Variants in ANKFN1 observed in about 807,000 individuals in gnomAD.
The protein encoded by ANKFN1 is ankyrin repeat and fibronectin type III domain containing 1, also known as ankyrin repeat and fibronectin type-III domain-containing protein 1.
ANKFN1 carries 74 observed loss-of-function variants against 108.7 expected under a neutral mutation model. That is an observed-to-expected ratio of 0.68 (90% CI 0.56 to 0.83). ANKFN1 has a LOEUF of 0.83. Among genes scored for constraint, ANKFN1 ranks in the 40% least tolerant of loss-of-function variants. ANKFN1 has a pLI of 0.00. For synonymous variants in ANKFN1, 547 were observed against 516.2 expected (o/e 1.06, Z -0.81); for missense variants, 1,505 against 1,382.3 (o/e 1.09, Z -1.41).
chr17:56,253,297 C>T (rs1025137818), intron 3 of ANKFN1, among the ~76,000 whole-genome samples: 2 of 152,180 alleles, frequency 1.3e-5, no homozygotes, highest in Non-Finnish European at 2.9e-5. Context: ...CAACTGCTCT[C>T]ACCCTAAAGC....
chr17:56,224,670 C>G (rs373922051), intron 2 of ANKFN1: 71 of 152,272 alleles, frequency 4.7e-4, no homozygotes, highest in African/African-American at 1.7e-3. Context: ...GGATCAACCA[C>G]AGGAACCAGG....
intron 11 of ANKFN1, among the ~76,000 whole-genome samples, chr17:56,450,043 A>G (rs1308378815): frequency 1.3e-5 from 2 of 152,190 alleles, no homozygotes; most frequent in Admixed American, 1.3e-4. Flanking sequence ...TTGGAGAATT[A>G]AAGCCTACAT....
rs142467898 is a variant in ANKFN1 at position 56,153,782 on chromosome 17, G to A, written c.-71+252G>A. On this transcript the variant is annotated intron_variant, in intron 1 of 20. Coordinates refer to ENST00000682825, the MANE Select transcript of ANKFN1 (RefSeq NM_001370326.1). ...GAGAATGGGGAGATTAAAGGAGAGAGGCTTCTAGAGACAAGTTTTTACTTT... is the reference window on the plus strand; with the variant it reads ...GAGAATGGGGAGATTAAAGGAGAGAAGCTTCTAGAGACAAGTTTTTACTTT... Among the ~76,000 whole-genome samples, 4 of 152,040 alleles carry A rather than the reference G, an allele frequency of 2.6e-5. No homozygotes were observed. The East Asian group carries it at 5.8e-4, about 22-fold the overall frequency.
At chr17:56,384,582 T>A (rs190838664) in intron 8 of ANKFN1, among the ~76,000 whole-genome samples, 205 of 152,294 alleles carry the variant, frequency 1.3e-3, no homozygotes, top group African/African-American at 4.5e-3. Context: ...AAAACCCCAT[T>A]GTCTCAGCCC....
intron 3 of ANKFN1, among the ~76,000 whole-genome samples, chr17:56,297,869 G>A (rs1035371981): frequency 4.6e-5 from 7 of 152,108 alleles, no homozygotes; most frequent in South Asian, 4.1e-4. Flanking sequence ...ACTGGGGAGT[G>A]GTTAATAAAT....
intron 8 of ANKFN1, among the ~76,000 whole-genome samples, chr17:56,404,759 G>A (rs935312394): frequency 3.4e-4 from 52 of 152,166 alleles, no homozygotes; most frequent in African/African-American, 1.3e-3. Flanking sequence ...ACTAGGGTTG[G>A]TTTTCTGGTT....
intron 8 of ANKFN1, among the ~76,000 whole-genome samples, chr17:56,389,401 G>A (rs1263621633): frequency 6.6e-6 from 1 of 152,206 alleles, no homozygotes; most frequent in Non-Finnish European, 1.5e-5. Context: ...AGAAGAGGGT[G>A]TGTATAGCTC....
chr17:56,227,984 T>C (rs1294144402), intron 3 of ANKFN1, 27 bp downstream of exon 3: 2 of 1,586,754 alleles, frequency 1.3e-6, no homozygotes, highest in Non-Finnish European at 1.7e-6. Context: ...CTTGAAATGG[T>C]ATCTACTTCT....
intron 4 of ANKFN1, among the ~76,000 whole-genome samples, chr17:56,092,450 A>G (rs944179459): frequency 6.7e-6 from 1 of 150,088 alleles, no homozygotes; most frequent in African/African-American, 2.4e-5. Context: ...AATTTTTTGT[A>G]TTTTTAGTAG....
chr17:56,459,487 T>G (rs938729024), intron 14 of ANKFN1, among the ~76,000 whole-genome samples: 4 of 152,182 alleles, frequency 2.6e-5, no homozygotes, highest in Non-Finnish European at 5.9e-5. Flanking sequence ...ATGACTGTGC[T>G]GAATTCAAAG....
chr17:56,415,193 G>C (rs1169250623), intron 8 of ANKFN1, among the ~76,000 whole-genome samples: 4 of 152,172 alleles, frequency 2.6e-5, no homozygotes, highest in Non-Finnish European at 5.9e-5. Flanking sequence ...CATAGTACTG[G>C]AAGTCCTAGC....
intron 3 of ANKFN1, among the ~76,000 whole-genome samples, chr17:56,232,200 T>A (rs1916787166): frequency 6.6e-6 from 1 of 152,180 alleles, no homozygotes; most frequent in Non-Finnish European, 1.5e-5. Flanking sequence ...CACGACTTGG[T>A]TTAGTTATCC....
In ANKFN1 at chr17:56,240,020, T is replaced by C. The variant is rs554875313; in HGVS notation, c.53+12063T>C. On this transcript the variant is annotated intron_variant, in intron 3 of 20. Coordinates refer to ENST00000682825, the MANE Select transcript of ANKFN1 (RefSeq NM_001370326.1). ...GAAGCATTATGAAATATTTCAAACA[T>C]AGAGGAAAATAATATAATGAGTAAC... Among the ~76,000 whole-genome samples the C allele has an allele frequency of 2.2e-4, 33 of 152,246 alleles. 1 individual carries two copies. The South Asian group carries it at 6.8e-3, about 32-fold the overall frequency.
chr17:56,097,202 T>G (rs1293692642), intron 4 of ANKFN1, among the ~76,000 whole-genome samples: 2 of 152,192 alleles, frequency 1.3e-5, no homozygotes, highest in Non-Finnish European at 1.5e-5. Flanking sequence ...AATTTACCTA[T>G]ATAACAAACC....
intron 3 of ANKFN1, among the ~76,000 whole-genome samples, chr17:56,297,256 C>A (rs2044539248): frequency 6.6e-6 from 1 of 152,158 alleles, no homozygotes; most frequent in Non-Finnish European, 1.5e-5. Context: ...GCTTCGGAGC[C>A]AGACCTCTGA....
intron 8 of ANKFN1, among the ~76,000 whole-genome samples, chr17:56,425,618 C>T (rs1346803820): frequency 6.6e-6 from 1 of 152,206 alleles, no homozygotes; most frequent in African/African-American, 2.4e-5. Flanking sequence ...CCTTGCAATT[C>T]CCCGACCACA....
intron 4 of ANKFN1, among the ~76,000 whole-genome samples, chr17:56,061,265 C>CTTTTTTTTTTTTTTTTT (rs71137190): frequency 2.7e-5 from 2 of 72,932 alleles, no homozygotes; most frequent in Non-Finnish European, 4.7e-5. Context: ...GGTAGTTTTT[C>CTTTTTTTTTTTTTTTTT]TTTTTTTTTT....
intron 4 of ANKFN1, among the ~76,000 whole-genome samples, chr17:56,334,981 G>A (rs886566471): frequency 2.6e-5 from 4 of 152,102 alleles, no homozygotes; most frequent in African/African-American, 7.2e-5. Context: ...ATTAAATAGG[G>A]AATCGTTTCC....
chr17:56,081,915 T>A (rs1410889459), intron 4 of ANKFN1, among the ~76,000 whole-genome samples: 1 of 152,234 alleles, frequency 6.6e-6, no homozygotes, highest in African/African-American at 2.4e-5. Flanking sequence ...TGGGCGTGTG[T>A]GAGCCCACGC....
Sources: allele counts gnomAD v4.1 joint callset (sites outside exome capture counted in the v4.1 genomes callset), GRCh38; gene constraint gnomAD v4.1.1; transcripts MANE v1.5; gene names NCBI Gene and HGNC (gene_info 2026-07-23, HGNC 2026-07-21).